The following RAP1GDS1 variants were observed in gnomAD, a reference collection of about 807,000 sequenced individuals.
RAP1GDS1 encodes Rap1 GTPase-GDP dissociation stimulator 1.
RAP1GDS1 carries 35 observed loss-of-function variants against 71.1 expected under a neutral mutation model. The observed-to-expected ratio is 0.49, with a 90% CI of 0.38 to 0.65. The LOEUF is 0.65. Among genes scored for constraint, RAP1GDS1 ranks in the 30% least tolerant of loss-of-function variants. The probability of loss-of-function intolerance (pLI) is 0.00; values close to 1 mark genes in which losing one functional copy is unlikely to be tolerated. For missense variants in RAP1GDS1, 663 were observed against 706.1 expected (o/e 0.94, Z 0.69); for synonymous variants, 229 against 243.1 (o/e 0.94, Z 0.54).
chr4:98,417,043 A>G (rs1748137651), intron 8 of RAP1GDS1, among the ~76,000 whole-genome samples, 155 bp downstream of exon 8: 1 of 152,160 alleles, frequency 6.6e-6, no homozygotes, highest in East Asian at 1.9e-4. Context: ...TGCCATTGAT[A>G]CAACCAGACA....
At chr4:98,391,350 A>G (rs975024766) in intron 5 of RAP1GDS1, among the ~76,000 whole-genome samples, 12 of 152,162 alleles carry the variant, frequency 7.9e-5, no homozygotes, top group African/African-American at 2.9e-4. Context: ...ATAATTAAAT[A>G]AAACTTTAAA....
intron 7 of RAP1GDS1, among the ~76,000 whole-genome samples, chr4:98,407,625 G>C (rs1015474149): frequency 1.3e-5 from 2 of 152,160 alleles, no homozygotes; most frequent in Non-Finnish European, 2.9e-5. Context: ...GCTACGCTAT[G>C]TGTACACAAA....
chr4:98,442,206 C>A lies in RAP1GDS1; in HGVS notation c.*89C>A. 6.6e-7 allele frequency: 1 copy of A among 1,507,554 alleles called. No individual in the cohort carries two copies. The allele number at this position is 1,507,554 out of a possible 1,614,324, so 93.4% of individuals were successfully genotyped here. A position where few individuals can be genotyped will look rare whatever the true frequency, so the allele number is the denominator to read the frequency against. Reference sequence around the variant, plus strand: ...TCTTCCGCTTCATTCTCTACCATACCACTTGTGCATGCATGTGATGTTCTA... The same window carrying A: ...TCTTCCGCTTCATTCTCTACCATACAACTTGTGCATGCATGTGATGTTCTA... On this transcript the variant is annotated 3_prime_UTR_variant, in exon 15 of 15. Transcript: ENST00000408927.
intron 6 of RAP1GDS1, 142 bp downstream of exon 6, chr4:98,392,222 A>G: frequency 1.2e-6 from 1 of 820,568 alleles, no homozygotes; most frequent in Non-Finnish European, 1.8e-6. Context: ...TTCCATCAAT[A>G]TTTTAAAAAG....
Position 98,434,050 on chromosome 4 carries a change from G to T in RAP1GDS1, c.1555G>T (p.Ala519Ser), listed in dbSNP as rs1750817440. The T allele has an allele frequency of 3.7e-6, 6 of 1,613,574 alleles. No homozygotes were observed. The highest frequency in any genetic ancestry group is 5.1e-6 in the Non-Finnish European group (6 of 1,179,644). Reference sequence around the variant, plus strand: ...TCTTGTTGCTTTGGCATTAATAGCAGCTTTAGAATTGGGTAAGTACCCCAG... The same window carrying T: ...TCTTGTTGCTTTGGCATTAATAGCATCTTTAGAATTGGGTAAGTACCCCAG... Reference protein sequence around the residue: ...EALVALALIAALELGTAEKDL... With the variant: ...EALVALALIASLELGTAEKDL... Residue 519 changes from alanine (A) to serine (S), a missense_variant, in exon 13 of 15, where the codon GCT becomes TCT. By Grantham distance (99) the Ala-to-Ser change is moderately conservative. Transcript: ENST00000408927.
chr4:98,336,631 C>T (rs1355985632), intron 2 of RAP1GDS1, among the ~76,000 whole-genome samples: 3 of 151,944 alleles, frequency 2.0e-5, no homozygotes, highest in Non-Finnish European at 4.4e-5. Flanking sequence ...TAAACTCTTG[C>T]ATTTCATGTT....
At chr4:98,300,806 G>A (rs1177126444) in intron 2 of RAP1GDS1, among the ~76,000 whole-genome samples, 1 of 152,112 alleles carries the variant, frequency 6.6e-6, no homozygotes, top group African/African-American at 2.4e-5. Context: ...AAGTGATTTG[G>A]AACCAAACTC....
intron 2 of RAP1GDS1, among the ~76,000 whole-genome samples, chr4:98,326,373 A>G (rs1041177433): frequency 4.6e-5 from 7 of 152,154 alleles, no homozygotes; most frequent in Non-Finnish European, 1.0e-4. Context: ...TTGGTCAGCA[A>G]TATCTCCCTT....
At position 98,387,597 on chromosome 4, in the gene RAP1GDS1, T is replaced by C. The variant is rs550187394; in HGVS notation, c.509-4355T>C. On this transcript the variant is annotated intron_variant, in intron 5 of 14. Coordinates refer to ENST00000408927, the MANE Select transcript of RAP1GDS1 (RefSeq NM_001100427.2). ...CACCCCCTCAGTGCCTTTCTTCCTC[T>C]TCCTCCCCATAGATCATGTAGGGCC... 7.8e-6 allele frequency: 3 copies of C among 383,582 alleles called. No individual in the cohort carries two copies. The East Asian group carries it at 2.2e-4, about 28-fold the overall frequency. The allele number at this position is 383,582 out of a possible 1,614,324, so 23.8% of individuals were successfully genotyped here. A position where few individuals can be genotyped will look rare whatever the true frequency, so the allele number is the denominator to read the frequency against.
At chr4:98,318,275 G>C (rs1243187109) in intron 2 of RAP1GDS1, among the ~76,000 whole-genome samples, 9 of 152,078 alleles carry the variant, frequency 5.9e-5, no homozygotes, top group Admixed American at 5.2e-4. Flanking sequence ...GATCCTCAGG[G>C]GATGCGTTCC....
chr4:98,382,741 A>G (rs1440339155), intron 5 of RAP1GDS1, among the ~76,000 whole-genome samples: 1 of 151,594 alleles, frequency 6.6e-6, no homozygotes, highest in Non-Finnish European at 1.5e-5. Flanking sequence ...TTTTCTGGAT[A>G]CTTATTATCG....
chr4:98,407,010 A>G (rs1468650383), intron 7 of RAP1GDS1, among the ~76,000 whole-genome samples: 1 of 152,240 alleles, frequency 6.6e-6, no homozygotes, highest in East Asian at 1.9e-4. Context: ...TTTGCTCTAA[A>G]TGCTTATATT....
intron 4 of RAP1GDS1, among the ~76,000 whole-genome samples, chr4:98,368,892 G>T (rs1220806208): frequency 1.3e-5 from 2 of 152,084 alleles, no homozygotes; most frequent in Admixed American, 6.6e-5. Context: ...ATTCTTTTAA[G>T]AATTTTTCAT....
At chr4:98,297,329 A>G (rs146588710) in intron 2 of RAP1GDS1, among the ~76,000 whole-genome samples, 9 of 152,210 alleles carry the variant, frequency 5.9e-5, no homozygotes, top group African/African-American at 2.2e-4. Flanking sequence ...ATACGTAATT[A>G]TAGGCAAACT....
At chr4:98,383,740 A>G (rs1742333069) in intron 5 of RAP1GDS1, among the ~76,000 whole-genome samples, 1 of 151,640 alleles carries the variant, frequency 6.6e-6, no homozygotes, top group African/African-American at 2.4e-5. Context: ...AAGATTATTT[A>G]ATGTGTAATT....
intron 1 of RAP1GDS1, among the ~76,000 whole-genome samples, chr4:98,282,321 TC>T (rs1725236691): frequency 6.6e-6 from 1 of 152,216 alleles, no homozygotes; most frequent in Non-Finnish European, 1.5e-5. Context: ...TTCAGCTCCT[TC>T]CTTGTTTAGT....
chr4:98,422,517 T>A (rs1749039181), intron 12 of RAP1GDS1, among the ~76,000 whole-genome samples: 1 of 152,090 alleles, frequency 6.6e-6, no homozygotes, highest in South Asian at 2.1e-4. Context: ...TGCCCAGCCT[T>A]TAATACTGTT....
chr4:98,430,968 C>T (rs1336706832), intron 12 of RAP1GDS1, among the ~76,000 whole-genome samples: 2 of 152,192 alleles, frequency 1.3e-5, no homozygotes, highest in Non-Finnish European at 2.9e-5. Flanking sequence ...AAAGTCACAC[C>T]TTTCTTTGAA....
intron 13 of RAP1GDS1, among the ~76,000 whole-genome samples, chr4:98,436,079 A>AAT (rs770519660): frequency 0.01 from 1,494 of 143,068 alleles, 17 homozygotes; most frequent in African/African-American, 0.031. Context: ...TCAAAAAAAA[A>AAT]ATATATATAT....
Sources: allele counts gnomAD v4.1 joint callset (sites outside exome capture counted in the v4.1 genomes callset), GRCh38; gene constraint gnomAD v4.1.1; transcripts MANE v1.5; gene names NCBI Gene and HGNC (gene_info 2026-07-23, HGNC 2026-07-21).